CCT4: variants seen among roughly 807,000 people sequenced by gnomAD.
CCT4 encodes the protein T-complex protein 1 subunit delta.
CCT4 carries 17 observed loss-of-function variants against 62.5 expected under a neutral mutation model. That is an observed-to-expected ratio of 0.27 (90% CI 0.19 to 0.41). The LOEUF is 0.41. Among genes scored for constraint, CCT4 ranks in the 10% least tolerant of loss-of-function variants. CCT4 has a pLI of 1.00. For missense variants in CCT4, 592 were observed against 659.2 expected (o/e 0.90, Z 1.12); for synonymous variants, 250 against 229.9 (o/e 1.09, Z -0.79).
In CCT4 at chr2:61,876,232, C is replaced by G. The variant is rs548864257; in HGVS notation, c.780G>C (p.Met260Ile). Residue 260 changes from methionine to isoleucine, a missense_variant and splice_region_variant, in exon 8 of 14, where the codon ATG (methionine) becomes ATC (isoleucine). By Grantham distance (10) the Met-to-Ile change is conservative. Coordinates refer to ENST00000394440, the MANE Select transcript of CCT4 (RefSeq NM_006430.4). ...AGTCAGAAACCACTATTTGATTATC[C>G]ATCTGTTCAGAAAAAGAACATCATA... Reference protein sequence around the residue: ...QFCLSAPKTDMDNQIVVSDYA... With the variant: ...QFCLSAPKTDIDNQIVVSDYA... 1 of 1,589,316 alleles carries G rather than the reference C, an allele frequency of 6.3e-7. No homozygotes were observed. Among genetic ancestry groups the G allele is most frequent in the African/African-American group, 1.4e-5 (1 of 73,902 alleles).
chr2:61,878,847 T>C, intron 5 of CCT4, 22 bp downstream of exon 5: 1 of 1,570,418 alleles, frequency 6.4e-7, no homozygotes, highest in Non-Finnish European at 8.7e-7. Context: ...ATTTGACAAG[T>C]ATCCGTTAGT....
rs1669118943 is a variant in CCT4 at position 61,881,701 on chromosome 2, T to C, written c.271-1307A>G. 2.0e-5 allele frequency among the ~76,000 whole-genome samples: 3 copies of C among 152,180 alleles called. No individual in the cohort carries two copies. In the South Asian group the frequency reaches 6.2e-4, roughly 31 times the overall value. ...CAGTATATACGTAATTTTATCTTTT[T>C]TCATGTAATGTTTCATTAGTGTTTT... On this transcript the variant is annotated intron_variant, in intron 3 of 13. Transcript: ENST00000394440.
chr2:61,888,326 T>C, intron 1 of CCT4, 55 bp downstream of exon 1: 1 of 1,571,100 alleles, frequency 6.4e-7, no homozygotes, highest in South Asian at 1.1e-5. Flanking sequence ...AAGCCCACGA[T>C]GAGAGCGCAG....
Position 61,880,302 on chromosome 2 carries a change from G to A in CCT4, c.363C>T (p.Thr121=). The change falls in exon 4 of 14, where the codon ACC becomes ACT. Residue 121 remains threonine (T), a synonymous_variant. Coordinates refer to ENST00000394440, the MANE Select transcript of CCT4 (RefSeq NM_006430.4). ...CCTACCCACCTTTCTGAAGAAGCTT[G>A]GTACAAGAATCTAAGAGGGAGCCAG... is the stretch of plus-strand genomic sequence containing the variant. ...IIAGSLLDSC[T]KLLQKGIHPT... 1 of 1,573,296 alleles carries A rather than the reference G, an allele frequency of 6.4e-7. No individual in the cohort carries two copies. The highest frequency in any genetic ancestry group is 8.6e-7 in the Non-Finnish European group (1 of 1,158,068).
chr2:61,875,947 T>C (rs1193151694), intron 8 of CCT4, 148 bp downstream of exon 8: 1 of 504,288 alleles, frequency 2.0e-6, no homozygotes, highest in Non-Finnish European at 3.5e-6. Flanking sequence ...AAATAAAAAT[T>C]CTCCATTTCG....
intron 8 of CCT4, among the ~76,000 whole-genome samples, chr2:61,874,979 C>T (rs1020668886): frequency 2.6e-4 from 40 of 151,988 alleles, no homozygotes; most frequent in African/African-American, 9.4e-4. Context: ...CCCGTCTCTA[C>T]TAAAAACACA....
intron 8 of CCT4, among the ~76,000 whole-genome samples, chr2:61,874,656 G>A (rs1163321522): frequency 1.3e-5 from 2 of 151,654 alleles, no homozygotes; most frequent in Non-Finnish European, 2.9e-5. Flanking sequence ...AAACTTCAGA[G>A]AATTCTTTTC....
intron 3 of CCT4, among the ~76,000 whole-genome samples, chr2:61,881,761 G>A (rs1005281036): frequency 7.9e-5 from 12 of 151,502 alleles, no homozygotes; most frequent in African/African-American, 2.9e-4. Context: ...ATTTTTAATG[G>A]CTGTATGATT....
intron 1 of CCT4, among the ~76,000 whole-genome samples, chr2:61,887,355 C>T (rs941777645): frequency 1.3e-5 from 2 of 152,070 alleles, no homozygotes; most frequent in Admixed American, 1.3e-4. Context: ...TATATGCTTT[C>T]TCACTGAATC....
chr2:61,888,651 G>A lies in CCT4; in HGVS notation c.-144C>T, dbSNP rs1047725603. On this transcript the variant is annotated 5_prime_UTR_variant, in exon 1 of 14. Coordinates refer to ENST00000394440, the MANE Select transcript of CCT4 (RefSeq NM_006430.4). ...CCGGCGTCGGGAGGAGGCGGAGGCG[G>A]AGAAGGGGGCCTTCCTTGCCGCGCG... 4.1e-6 allele frequency: 4 copies of A among 963,950 alleles called. No individual in the cohort carries two copies. The highest frequency in any genetic ancestry group is 1.7e-5 in the African/African-American group (1 of 59,388). 59.7% of individuals were successfully genotyped at this position (963,950 alleles called of 1,614,324 possible).
Position 61,870,441 on chromosome 2 carries a change from G to A in CCT4, c.1492-888C>T, listed in dbSNP as rs193233616. 7.6e-4 allele frequency among the ~76,000 whole-genome samples: 115 copies of A among 151,806 alleles called. 2 individuals are homozygous for A. Among genetic ancestry groups the A allele is most frequent in the Admixed American group, 2.0e-3 (31 of 15,252 alleles). On this transcript the variant is annotated intron_variant, in intron 12 of 13. Coordinates refer to ENST00000394440, the MANE Select transcript of CCT4 (RefSeq NM_006430.4). ...CTTTATCCCGGGATTACTCCTGATG[G>A]CCTCTTACAGGCATCCTTGCTTCCA... is the stretch of plus-strand genomic sequence containing the variant.
rs547011015 is a variant in CCT4 at position 61,879,749 on chromosome 2, T to TC, written c.379+536_379+537insG. 2.6e-4 allele frequency among the ~76,000 whole-genome samples: 27 copies of TC among 105,358 alleles called. No homozygotes were observed. In the East Asian group the frequency reaches 5.2e-3, roughly 20 times the overall value. 69.1% of individuals were successfully genotyped at this position (105,358 alleles called of 152,430 possible). The stretch of plus-strand genomic sequence containing the variant: ...AGTAATATTTCTACCACTCATTTCT[T>TC]TTTTTTTTTTTGAGATGGAGTTTGC... On this transcript the variant is annotated intron_variant, in intron 4 of 13. Coordinates refer to ENST00000394440, the MANE Select transcript of CCT4 (RefSeq NM_006430.4).
At chr2:61,887,622 CT>C (rs1669287834) in intron 1 of CCT4, among the ~76,000 whole-genome samples, 1 of 152,302 alleles carries the variant, frequency 6.6e-6, no homozygotes, top group South Asian at 2.1e-4. Flanking sequence ...TTCTCTTAAT[CT>C]TAACTCTAAA....
rs1668896852 is a variant in CCT4, at chr2:61,872,122, T to G, written c.1451A>C (p.His484Pro). The change falls in exon 12 of 14, where the codon CAT becomes CCT. Residue 484 changes from histidine to proline, a missense_variant. Around this residue, in one of 3 missense-constraint regions of CCT4, gnomAD observed 522 missense variants for 571.2 expected, o/e 0.91. Transcript: ENST00000394440. ...ISTVTELRNRHAQGEKTAGIN... is the reference protein window; with the variant it reads ...ISTVTELRNRPAQGEKTAGIN... ...GCCTGCAGTTTTTTCTCCCTGGGCATGCCGGTTTCTTAGTTCTGTTACTGT... is the reference window on the plus strand; with the variant it reads ...GCCTGCAGTTTTTTCTCCCTGGGCAGGCCGGTTTCTTAGTTCTGTTACTGT... The G allele has an allele frequency of 1.2e-6, 2 of 1,613,982 alleles. No individual in the cohort carries two copies. Among genetic ancestry groups the G allele is most frequent in the Non-Finnish European group, 1.7e-6 (2 of 1,179,916 alleles).
chr2:61,872,654 A>G lies in CCT4; in HGVS notation c.1126-66T>C, dbSNP rs989510820. The G allele has an allele frequency of 9.9e-5, 153 of 1,548,696 alleles. No homozygotes were observed. The East Asian group carries it at 3.4e-3, about 35-fold the overall frequency. On this transcript the variant is annotated intron_variant, in intron 10 of 13. Transcript: ENST00000394440. ...AAAAAACCCCACACCCAGGCCGGGCACGGCGGCTCACGCCTGTAAACCCAA... is the reference window on the plus strand; with the variant it reads ...AAAAAACCCCACACCCAGGCCGGGCGCGGCGGCTCACGCCTGTAAACCCAA...
At chr2:61,877,323 TTTTA>T in intron 6 of CCT4, 66 bp downstream of exon 6, 1 of 1,445,838 alleles carries the variant, frequency 6.9e-7, no homozygotes, top group Non-Finnish European at 9.5e-7. Flanking sequence ...ATCTAGGTGT[TTTTA>T]TTTATTTTTG....
At chr2:61,874,499 A>G (rs1026494240) in intron 8 of CCT4, among the ~76,000 whole-genome samples, 7 of 151,488 alleles carry the variant, frequency 4.6e-5, no homozygotes, top group Admixed American at 4.6e-4. Context: ...AATCCCAACT[A>G]TTTCAGGAGG....
At chr2:61,880,263 G>T in intron 4 of CCT4, 23 bp downstream of exon 4, 1 of 1,280,096 alleles carries the variant, frequency 7.8e-7, no homozygotes, top group African/African-American at 1.5e-5. Context: ...TCTTTATTCA[G>T]TAATAAAGTA....
intron 7 of CCT4, 51 bp downstream of exon 7, chr2:61,876,869 G>GCGCTC: frequency 6.1e-6 from 9 of 1,464,438 alleles, no homozygotes; most frequent in Non-Finnish European, 8.3e-6. Context: ...AAATGCCTGA[G>GCGCTC]TTATTAAAAA....
Sources: allele counts gnomAD v4.1 joint callset (sites outside exome capture counted in the v4.1 genomes callset), GRCh38; gene constraint gnomAD v4.1.1; regional missense constraint gnomAD v4.1.1; transcripts MANE v1.5; gene names NCBI Gene and HGNC (gene_info 2026-07-23, HGNC 2026-07-21).